The following SNTB2 variants were observed in gnomAD, a reference collection of about 807,000 sequenced individuals.
The protein encoded by SNTB2 is beta-2-syntrophin.
Under a neutral mutation model 46.2 loss-of-function variants are expected in SNTB2, and 34 were observed. That is an observed-to-expected ratio of 0.74 (90% CI 0.56 to 0.98). SNTB2 has a LOEUF of 0.98. SNTB2 is among the 50% of genes least tolerant of loss of function. The pLI, the probability that SNTB2 is intolerant of heterozygous loss-of-function variation, is 0.00. For synonymous variants in SNTB2, 290 were observed against 312.6 expected, an observed-to-expected ratio of 0.93 and a Z score of 0.76; for missense variants, 603 against 731.4, an observed-to-expected ratio of 0.82 and a Z score of 2.02.
At chr16:69,271,598 C>T (rs1038768651) in intron 4 of SNTB2, among the ~76,000 whole-genome samples, 1 of 152,062 alleles carries the variant, frequency 6.6e-6, no homozygotes, top group South Asian at 2.1e-4. Flanking sequence ...AGTAATCCTA[C>T]AAAAATATGT....
intron 1 of SNTB2, among the ~76,000 whole-genome samples, chr16:69,215,246 G>C (rs1964335243): frequency 6.6e-6 from 1 of 152,178 alleles, no homozygotes; most frequent in Admixed American, 6.5e-5. Flanking sequence ...TTAGCCAGGT[G>C]TGGTGATGCA....
chr16:69,285,833 C>T (rs1965097813), intron 5 of SNTB2, among the ~76,000 whole-genome samples: 1 of 151,810 alleles, frequency 6.6e-6, no homozygotes, highest in African/African-American at 2.4e-5. Flanking sequence ...CACTCTGTCG[C>T]CCAGGCTGGA....
intron 1 of SNTB2, among the ~76,000 whole-genome samples, chr16:69,203,496 G>A (rs964357909): frequency 6.6e-6 from 1 of 151,872 alleles, no homozygotes; most frequent in Non-Finnish European, 1.5e-5. Flanking sequence ...ATGTCACCAT[G>A]CCTGGCTAAT....
chr16:69,188,127 G>T (rs1156815761), intron 1 of SNTB2, among the ~76,000 whole-genome samples: 1 of 151,502 alleles, frequency 6.6e-6, no homozygotes, highest in Non-Finnish European at 1.5e-5. Context: ...GCTCCTCGGG[G>T]CGGGCGGGTC....
At chr16:69,256,499 A>G (rs183895671) in intron 2 of SNTB2, among the ~76,000 whole-genome samples, 5 of 152,264 alleles carry the variant, frequency 3.3e-5, no homozygotes, top group Admixed American at 2.6e-4. Flanking sequence ...CCCTTCCTTC[A>G]GCTCCTGGCA....
At chr16:69,221,337 T>C (rs1198432637) in intron 1 of SNTB2, among the ~76,000 whole-genome samples, 1 of 152,208 alleles carries the variant, frequency 6.6e-6, no homozygotes, top group African/African-American at 2.4e-5. Flanking sequence ...TAGTGATGGA[T>C]GATGTGTTTC....
intron 1 of SNTB2, among the ~76,000 whole-genome samples, chr16:69,205,001 A>G (rs946842138): frequency 6.6e-6 from 1 of 152,136 alleles, no homozygotes; most frequent in Non-Finnish European, 1.5e-5. Flanking sequence ...GTTATATTTT[A>G]AGTTGGCTGT....
At chr16:69,196,763 A>T (rs1964110070) in intron 1 of SNTB2, among the ~76,000 whole-genome samples, 1 of 152,210 alleles carries the variant, frequency 6.6e-6, no homozygotes, top group Admixed American at 6.5e-5. Flanking sequence ...TTAAACAGTC[A>T]GTGCAAGGTT....
chr16:69,249,200 A>AT (rs1964701955), intron 2 of SNTB2, among the ~76,000 whole-genome samples: 1 of 151,580 alleles, frequency 6.6e-6, no homozygotes, highest in Admixed American at 6.6e-5. Flanking sequence ...TAATTTTTGT[A>AT]TTTTTTGTAG....
chr16:69,188,046 C>T (rs1469154788), intron 1 of SNTB2, among the ~76,000 whole-genome samples: 1 of 151,884 alleles, frequency 6.6e-6, no homozygotes, highest in Non-Finnish European at 1.5e-5. Context: ...GGAGAGCGAA[C>T]GGCTCGAGTG....
intron 1 of SNTB2, among the ~76,000 whole-genome samples, chr16:69,214,126 TA>T (rs1033471987): frequency 8.8e-5 from 13 of 147,894 alleles, no homozygotes; most frequent in South Asian, 4.4e-4. Context: ...CCCAGCCTTT[TA>T]TTTTTTTTTT....
intron 1 of SNTB2, among the ~76,000 whole-genome samples, chr16:69,210,955 C>T (rs921614552): frequency 6.6e-5 from 10 of 152,056 alleles, no homozygotes; most frequent in Non-Finnish European, 2.9e-5. Context: ...TGCACCACTC[C>T]ACTCCAGCCT....
At chr16:69,280,598 C>T (rs1258589804) in intron 4 of SNTB2, among the ~76,000 whole-genome samples, 1 of 141,344 alleles carries the variant, frequency 7.1e-6, no homozygotes, top group Non-Finnish European at 1.5e-5. Flanking sequence ...GCTGAACCCC[C>T]CACCTCCCTC....
chr16:69,189,326 C>T (rs1964026342), intron 1 of SNTB2, among the ~76,000 whole-genome samples: 1 of 151,966 alleles, frequency 6.6e-6, no homozygotes, highest in South Asian at 2.1e-4. Context: ...AAACGTGTAC[C>T]TTGAAGTTGG....
At position 69,272,611 on chromosome 16, in the gene SNTB2, G is replaced by A. The variant is rs141129923; in HGVS notation, c.1148+2326G>A. Among the ~76,000 whole-genome samples the A allele has an allele frequency of 2.7e-3, 416 of 151,592 alleles. 6 individuals are homozygous for A. Among genetic ancestry groups the A allele is most frequent in the Middle Eastern group, 0.01 (3 of 294 alleles). ...AAAGATTACCCAATTAAGAAATGGGGCTGGGCGCAGTGGCTCACGCCTGTA... is the reference window on the plus strand; with the variant it reads ...AAAGATTACCCAATTAAGAAATGGGACTGGGCGCAGTGGCTCACGCCTGTA... On this transcript the variant is annotated intron_variant, in intron 4 of 6. Coordinates refer to ENST00000336278, the MANE Select transcript of SNTB2 (RefSeq NM_006750.4).
chr16:69,255,000 T>G (rs1964759756), intron 2 of SNTB2, among the ~76,000 whole-genome samples: 1 of 152,154 alleles, frequency 6.6e-6, no homozygotes, highest in African/African-American at 2.4e-5. Context: ...TGTAGTCTCA[T>G]TCTTCTTGCA....
rs1567414901 is a variant in SNTB2, at chr16:69,285,496, A to AC, written c.1345+1252_1345+1253insC. ...ATTTATTTATTTATTTATTTATTTAAAGAGACAGGGTCTAGCTCTGTCACC... is the reference window on the plus strand; with the variant it reads ...ATTTATTTATTTATTTATTTATTTAACAGAGACAGGGTCTAGCTCTGTCACC... On this transcript the variant is annotated intron_variant, in intron 5 of 6. Transcript: ENST00000336278. Among the ~76,000 whole-genome samples the AC allele has an allele frequency of 1.2e-3, 133 of 115,590 alleles. 3 individuals carry two copies. In the South Asian group the frequency reaches 0.018, roughly 15 times the overall value. The allele number at this position is 115,590 out of a possible 152,430, so 75.8% of individuals were successfully genotyped here. A position where few individuals can be genotyped will look rare whatever the true frequency, so the allele number is the denominator to read the frequency against.
intron 1 of SNTB2, among the ~76,000 whole-genome samples, chr16:69,244,219 T>A (rs1040702423): frequency 1.3e-5 from 2 of 152,210 alleles, no homozygotes; most frequent in Non-Finnish European, 2.9e-5. Flanking sequence ...TGCTGTAGAA[T>A]GAGCTATCAA....
At chr16:69,241,259 C>T (rs1166659877) in intron 1 of SNTB2, among the ~76,000 whole-genome samples, 1 of 146,072 alleles carries the variant, frequency 6.8e-6, no homozygotes, top group Non-Finnish European at 1.5e-5. Context: ...TCACTGCAAC[C>T]TCTGCCACCT....
Sources: gnomAD v4.1 joint callset for allele counts (sites outside exome capture counted in the v4.1 genomes callset) on GRCh38, gnomAD v4.1.1 for gene constraint, MANE v1.5 for transcripts, NCBI Gene and HGNC (gene_info 2026-07-23, HGNC 2026-07-21) for gene names.